TNKS: variants seen among roughly 807,000 people sequenced by gnomAD.
The protein encoded by TNKS is poly [ADP-ribose] polymerase tankyrase-1.
A neutral mutation model predicts 135.8 loss-of-function variants in TNKS; 72 were observed. The ratio of observed to expected loss-of-function variants is 0.53; its 90% CI spans 0.44 to 0.64. The LOEUF (loss-of-function observed/expected upper bound fraction) is 0.64. Ranked by LOEUF, TNKS falls within the 30% of genes least tolerant of loss-of-function variation. The pLI is 0.00. For missense variants in TNKS, 1,769 were observed against 1,674.0 expected (o/e 1.06, Z -0.99); for synonymous variants, 849 against 649.3 (o/e 1.31, Z -4.68).
At chr8:9,643,664 T>C (rs143647704) in intron 3 of TNKS, among the ~76,000 whole-genome samples, 1 of 152,210 alleles carries the variant, frequency 6.6e-6, no homozygotes, top group Non-Finnish European at 1.5e-5. Context: ...CCTTGAGCAC[T>C]GTTGGTGGGA....
intron 5 of TNKS, among the ~76,000 whole-genome samples, chr8:9,693,136 C>G (rs974883442): frequency 1.3e-5 from 2 of 152,010 alleles, no homozygotes; most frequent in Non-Finnish European, 2.9e-5. Flanking sequence ...TTGATCTTAA[C>G]CAAATGATAG....
chr8:9,564,067 A>G (rs763224103), intron 1 of TNKS, among the ~76,000 whole-genome samples: 9 of 152,164 alleles, frequency 5.9e-5, no homozygotes, highest in Non-Finnish European at 1.3e-4. Context: ...ATTATGAAAC[A>G]TCATCATTTT....
In TNKS at chr8:9,640,722, T is replaced by A. The variant is rs1315112310; in HGVS notation, c.994+25045T>A. Among the ~76,000 whole-genome samples the A allele has an allele frequency of 1.4e-5, 2 of 146,106 alleles. 1 individual carries two copies. Among genetic ancestry groups the A allele is most frequent in the Admixed American group, 1.4e-4 (2 of 13,840 alleles). On this transcript the variant is annotated intron_variant, in intron 3 of 26. Transcript: ENST00000310430. Reference sequence around the variant, plus strand: ...GCTGGCCTGACATAGCTAGGTCATGTTGTTCTCTGGTTGGATCTGAACAAT... The same window carrying A: ...GCTGGCCTGACATAGCTAGGTCATGATGTTCTCTGGTTGGATCTGAACAAT...
intron 2 of TNKS, among the ~76,000 whole-genome samples, chr8:9,600,350 G>T (rs916325506): frequency 6.6e-6 from 1 of 152,104 alleles, no homozygotes; most frequent in African/African-American, 2.4e-5. Context: ...GTCTCACTCT[G>T]TCAGTCAGGA....
intron 1 of TNKS, among the ~76,000 whole-genome samples, chr8:9,560,989 T>G (rs781656245): frequency 6.6e-6 from 1 of 152,210 alleles, no homozygotes; most frequent in Non-Finnish European, 1.5e-5. Context: ...AGATGATATG[T>G]AAATTTATTG....
chr8:9,673,682 G>T (rs2128794238), intron 3 of TNKS, among the ~76,000 whole-genome samples: 1 of 152,172 alleles, frequency 6.6e-6, no homozygotes, highest in Middle Eastern at 3.4e-3. Context: ...CTGACCTCGT[G>T]ATCCACCCTT....
chr8:9,681,272 C>G (rs1187336430), intron 5 of TNKS: 1 of 152,212 alleles, frequency 6.6e-6, no homozygotes, highest in Non-Finnish European at 1.5e-5. Context: ...CAGCTCTGCT[C>G]TTTTATTATT....
At chr8:9,717,068 T>TTATTATATA (rs372350090) in intron 11 of TNKS, among the ~76,000 whole-genome samples, 1 of 86,322 alleles carries the variant, frequency 1.2e-5, no homozygotes, top group East Asian at 3.5e-4. Context: ...ATCTGTTGTA[T>TTATTATATA]TATAATATAT....
At chr8:9,727,983 A>G (rs1168796058) in intron 13 of TNKS, among the ~76,000 whole-genome samples, 1 of 152,228 alleles carries the variant, frequency 6.6e-6, no homozygotes, top group East Asian at 1.9e-4. Context: ...ATTCTTAAAT[A>G]TAAGACGATT....
chr8:9,663,481 C>T (rs1801831774), intron 3 of TNKS, among the ~76,000 whole-genome samples: 1 of 152,204 alleles, frequency 6.6e-6, no homozygotes, highest in South Asian at 2.1e-4. Flanking sequence ...CTACCATGAG[C>T]ACTCTTCCAA....
At chr8:9,604,169 T>C (rs1230516150) in intron 2 of TNKS, among the ~76,000 whole-genome samples, 1 of 152,170 alleles carries the variant, frequency 6.6e-6, no homozygotes, top group Non-Finnish European at 1.5e-5. Context: ...TATAGGCACA[T>C]TACCTCAGTG....
intron 1 of TNKS, among the ~76,000 whole-genome samples, chr8:9,560,176 A>G (rs533504725): frequency 2.0e-5 from 3 of 152,232 alleles, no homozygotes; most frequent in Admixed American, 6.5e-5. Flanking sequence ...TAAAGGACCC[A>G]TATATTCTGA....
chr8:9,619,783 C>T (rs979274727), intron 3 of TNKS, among the ~76,000 whole-genome samples: 1 of 143,412 alleles, frequency 7.0e-6, no homozygotes, highest in Non-Finnish European at 1.5e-5. Flanking sequence ...ATCCGAAATC[C>T]TTTGCTTTTT....
At chr8:9,629,559 A>G (rs1800203984) in intron 3 of TNKS, among the ~76,000 whole-genome samples, 1 of 151,998 alleles carries the variant, frequency 6.6e-6, no homozygotes, top group Non-Finnish European at 1.5e-5. Context: ...CTGTTACTCA[A>G]GTTGGTTTCT....
intron 18 of TNKS, among the ~76,000 whole-genome samples, chr8:9,750,496 C>T (rs1399883574): frequency 6.6e-6 from 1 of 152,220 alleles, no homozygotes; most frequent in African/African-American, 2.4e-5. Flanking sequence ...GTTCTACCTT[C>T]CGTAAGACCT....
At chr8:9,632,965 G>C (rs1336621478) in intron 3 of TNKS, among the ~76,000 whole-genome samples, 1 of 152,106 alleles carries the variant, frequency 6.6e-6, no homozygotes, top group African/African-American at 2.4e-5. Context: ...TCCTGACCTC[G>C]TGATCTGCCC....
chr8:9,754,105 TCTC>T (rs1232768307), intron 20 of TNKS, among the ~76,000 whole-genome samples: 2 of 152,166 alleles, frequency 1.3e-5, no homozygotes, highest in Non-Finnish European at 2.9e-5. Context: ...TCCTGGGTGA[TCTC>T]CTCATCTCTA....
chr8:9,726,703 G>A lies in TNKS; in HGVS notation c.1984G>A (p.Asp662Asn), dbSNP rs1363583222. Residue 662 changes from aspartate to asparagine, a missense_variant, in exon 13 of 27, where the codon GAC (aspartate) becomes AAC (asparagine). Asp to Asn is a conservative substitution (Grantham distance 23). Coordinates refer to ENST00000310430, the MANE Select transcript of TNKS (RefSeq NM_003747.3). The stretch of plus-strand genomic sequence containing the variant: ...ACTCTTAGAGGCATCTAAAGCTGGA[G>A]ACTTGGAAACTGTGAAGGTAAGTCA... ...YRLLEASKAG[D>N]LETVKQLCSS... is the part of the protein sequence containing the mutation. The A allele has an allele frequency of 1.2e-6, 2 of 1,613,358 alleles. No individual in the cohort carries two copies. The highest frequency in any genetic ancestry group is 2.2e-5 in the South Asian group (2 of 90,990).
intron 12 of TNKS, among the ~76,000 whole-genome samples, chr8:9,723,171 T>G (rs1348378520): frequency 6.8e-6 from 1 of 146,934 alleles, no homozygotes; most frequent in Non-Finnish European, 1.5e-5. Context: ...TTTTTTGTAA[T>G]GGGAATTGTT....
Sources: gnomAD v4.1 joint callset for allele counts (sites outside exome capture counted in the v4.1 genomes callset) on GRCh38, gnomAD v4.1.1 for gene constraint, MANE v1.5 for transcripts, NCBI Gene and HGNC (gene_info 2026-07-23, HGNC 2026-07-21) for gene names.